ITGA4: variants seen among roughly 807,000 people sequenced by gnomAD.
ITGA4 encodes the protein integrin subunit alpha 4, also known as integrin alpha-4.
Under a neutral mutation model 133.6 loss-of-function variants are expected in ITGA4, and 63 were observed. The ratio of observed to expected loss-of-function variants is 0.47; its 90% CI spans 0.38 to 0.58. The LOEUF is 0.58. Ranked by LOEUF, ITGA4 falls within the 20% of genes least tolerant of loss-of-function variation. The pLI is 0.00. For synonymous variants in ITGA4, 483 were observed against 438.0 expected (o/e 1.10, Z -1.28); for missense variants, 1,076 against 1,252.7 (o/e 0.86, Z 2.13).
At chr2:181,499,404 CCTCACATTG>C (rs1372496669) in intron 15 of ITGA4, among the ~76,000 whole-genome samples, 1 of 152,138 alleles carries the variant, frequency 6.6e-6, no homozygotes, top group East Asian at 1.9e-4. Context: ...TCATCACATT[CCTCACATTG>C]GTCAAATTTT....
chr2:181,464,777 C>T (rs1004808691), intron 2 of ITGA4, among the ~76,000 whole-genome samples: 2 of 152,060 alleles, frequency 1.3e-5, no homozygotes, highest in Admixed American at 6.6e-5. Flanking sequence ...CAGACAGTAA[C>T]ACCTGCTCCT....
chr2:181,530,895 G>A (rs745802142), intron 24 of ITGA4, among the ~76,000 whole-genome samples: 1 of 152,084 alleles, frequency 6.6e-6, no homozygotes, highest in African/African-American at 2.4e-5. Context: ...TTGGGAGGCC[G>A]AGGTGGGCAG....
chr2:181,458,905 G>C (rs1685200882), intron 2 of ITGA4: 1 of 152,274 alleles, frequency 6.6e-6, no homozygotes, highest in Non-Finnish European at 1.5e-5. Flanking sequence ...ATGTTATATG[G>C]GTCCATCTTT....
At position 181,480,168 on chromosome 2, in the gene ITGA4, C is replaced by T; in HGVS notation, c.656C>T (p.Ser219Phe). ...ATTGTGATGGGGGCCCCAGGATCAT[C>T]TTACTGGACTGGCTCTCTTTTTGTC... ...DLIVMGAPGSSYWTGSLFVYN... is the reference protein window; with the variant it reads ...DLIVMGAPGSFYWTGSLFVYN... Residue 219 changes from serine to phenylalanine, a missense_variant, in exon 6 of 28, where the codon TCT becomes TTT. Around this residue, in one of 4 missense-constraint regions of ITGA4, gnomAD observed 436 missense variants for 590.7 expected, o/e 0.74. Transcript: ENST00000397033. 6.4e-7 allele frequency: 1 copy of T among 1,555,408 alleles called. No homozygotes were observed. Among genetic ancestry groups the T allele is most frequent in the Non-Finnish European group, 8.7e-7 (1 of 1,154,038 alleles).
intron 10 of ITGA4, among the ~76,000 whole-genome samples, chr2:181,490,455 AT>A (rs5836792): frequency 0.98 from 142,329 of 145,484 alleles, 69,639 homozygotes; most frequent in Middle Eastern, 0.99. Flanking sequence ...ACATGATTTC[AT>A]TTTTTTTTTT....
At chr2:181,502,749 T>A (rs1202269341) in intron 15 of ITGA4, among the ~76,000 whole-genome samples, 1 of 152,042 alleles carries the variant, frequency 6.6e-6, no homozygotes, top group African/African-American at 2.4e-5. Context: ...AGGATGGTTG[T>A]CAGATGGTGT....
intron 12 of ITGA4, 33 bp downstream of exon 12, chr2:181,494,845 G>T: frequency 9.0e-7 from 1 of 1,110,418 alleles, no homozygotes; most frequent in Non-Finnish European, 1.4e-6. Context: ...TTTATAAATT[G>T]GAATAAGCTC....
chr2:181,513,575 G>T (rs1411734183), intron 17 of ITGA4, among the ~76,000 whole-genome samples: 1 of 152,118 alleles, frequency 6.6e-6, no homozygotes, highest in Admixed American at 6.6e-5. Flanking sequence ...CTGCTTTCTA[G>T]GATACTGGCC....
At chr2:181,465,631 T>A (rs1479614926) in intron 2 of ITGA4, among the ~76,000 whole-genome samples, 2 of 152,186 alleles carry the variant, frequency 1.3e-5, no homozygotes, top group Non-Finnish European at 2.9e-5. Context: ...CCATGGAGGT[T>A]CAGAATTTTC....
chr2:181,470,135 G>T (rs986932989), intron 2 of ITGA4, among the ~76,000 whole-genome samples: 2 of 151,974 alleles, frequency 1.3e-5, no homozygotes, highest in African/African-American at 4.8e-5. Context: ...CTGTTGATGG[G>T]AAAGTAAGTA....
At chr2:181,522,407 T>G in intron 18 of ITGA4, 66 bp downstream of exon 18, 1 of 1,085,282 alleles carries the variant, frequency 9.2e-7, no homozygotes, top group Non-Finnish European at 1.3e-6. Context: ...TAAAAGTAAA[T>G]GGTAGAATTC....
intron 17 of ITGA4, 62 bp from the exon 18 acceptor site, chr2:181,522,129 A>G (rs1419402921): frequency 6.0e-6 from 6 of 999,600 alleles, no homozygotes; most frequent in Middle Eastern, 2.2e-4. Context: ...CCTTGTATGC[A>G]TATAAGAGAG....
At chr2:181,488,363 C>T (rs996094373) in intron 10 of ITGA4, among the ~76,000 whole-genome samples, 2 of 152,128 alleles carry the variant, frequency 1.3e-5, no homozygotes, top group African/African-American at 2.4e-5. Flanking sequence ...TCCCTCAGCA[C>T]TCCACTCCTA....
chr2:181,484,820 A>C lies in ITGA4; in HGVS notation c.1042-1061A>C, dbSNP rs79529398. Among the ~76,000 whole-genome samples the C allele has an allele frequency of 8.7e-3, 1,319 of 152,320 alleles. 24 individuals are homozygous for C. Among genetic ancestry groups the C allele is most frequent in the African/African-American group, 0.03 (1,246 of 41,574 alleles). ...CCTTTGGGTCAAGAAGCTTTTACAG[A>C]GGAAGTAGTGTTTGAGAAAGACAAA... On this transcript the variant is annotated intron_variant, in intron 9 of 27. Transcript: ENST00000397033.
intron 17 of ITGA4, among the ~76,000 whole-genome samples, chr2:181,515,304 G>A (rs1380770906): frequency 2.6e-5 from 4 of 152,014 alleles, no homozygotes; most frequent in Non-Finnish European, 5.9e-5. Context: ...AAATAGTACC[G>A]ACTCATTAAG....
intron 21 of ITGA4, among the ~76,000 whole-genome samples, chr2:181,526,532 TTAA>T (rs1686832870): frequency 6.6e-6 from 1 of 152,154 alleles, no homozygotes; most frequent in African/African-American, 2.4e-5. Context: ...TTTATCATAC[TTAA>T]TAATGTTAGA....
intron 21 of ITGA4, 84 bp from the exon 22 acceptor site, chr2:181,527,213 C>T: frequency 1.3e-6 from 1 of 762,778 alleles, no homozygotes; most frequent in South Asian, 1.7e-5. Flanking sequence ...TGTAAATATG[C>T]TATAATCCAG....
chr2:181,524,980 A>C (rs1258163771), intron 20 of ITGA4, among the ~76,000 whole-genome samples: 1 of 151,844 alleles, frequency 6.6e-6, no homozygotes, highest in Non-Finnish European at 1.5e-5. Flanking sequence ...AAATTCCTCT[A>C]TCTAGCATTA....
In ITGA4 at chr2:181,537,180, G is replaced by GATC. The variant is rs1015840339; in HGVS notation, c.*1656_*1658dup. The GATC allele has an allele frequency of 2.9e-5, 13 of 453,630 alleles. No homozygotes were observed. Among genetic ancestry groups the GATC allele is most frequent in the African/African-American group, 6.0e-5 (3 of 49,952 alleles). The allele number at this position is 453,630 out of a possible 1,614,324, so 28.1% of individuals were successfully genotyped here. A position where few individuals can be genotyped will look rare whatever the true frequency, so the allele number is the denominator to read the frequency against. On this transcript the variant is annotated 3_prime_UTR_variant, in exon 28 of 28. Transcript: ENST00000397033. ...GTCATTCTTTCAGGAGAACATCTAG[G>GATC]ATCATAGATGAAAAATCAAGCCCCG...
Sources: gnomAD v4.1 joint callset for allele counts (sites outside exome capture counted in the v4.1 genomes callset) on GRCh38, gnomAD v4.1.1 for gene constraint, gnomAD v4.1.1 regional missense constraint, MANE v1.5 for transcripts, NCBI Gene and HGNC (gene_info 2026-07-23, HGNC 2026-07-21) for gene names.